Variants in FAM118A observed in about 807,000 individuals in gnomAD.
FAM118A encodes the protein SIR2 antiphage like 2.
Under a neutral mutation model 38.2 loss-of-function variants are expected in FAM118A, and 25 were observed. The observed-to-expected ratio is 0.65, with a 90% CI of 0.48 to 0.91. The LOEUF (loss-of-function observed/expected upper bound fraction) is 0.91. Ranked by LOEUF, FAM118A falls within the 40% of genes least tolerant of loss-of-function variation. FAM118A has a pLI of 0.00. For synonymous variants in FAM118A, 178 were observed against 184.1 expected (o/e 0.97, Z 0.27); for missense variants, 425 against 463.3 (o/e 0.92, Z 0.76).
At chr22:45,316,965 T>G (rs927155915) in intron 1 of FAM118A, among the ~76,000 whole-genome samples, 1 of 152,230 alleles carries the variant, frequency 6.6e-6, no homozygotes, top group African/African-American at 2.4e-5. Flanking sequence ...GGATGTAGTT[T>G]GAGCTTATGT....
chr22:45,335,503 A>G, intron 7 of FAM118A, 121 bp downstream of exon 7: 3 of 1,123,702 alleles, frequency 2.7e-6, no homozygotes, highest in Non-Finnish European at 3.9e-6. Context: ...TTGTATTAAA[A>G]CAGCCCCACT....
At chr22:45,338,123 A>G (rs1272369535) in intron 8 of FAM118A, among the ~76,000 whole-genome samples, 1 of 151,644 alleles carries the variant, frequency 6.6e-6, no homozygotes, top group African/African-American at 2.4e-5. Flanking sequence ...ATGGTCTGTG[A>G]TTCTCTTTAT....
intron 1 of FAM118A, among the ~76,000 whole-genome samples, chr22:45,310,563 T>C (rs960171357): frequency 2.6e-5 from 4 of 151,838 alleles, no homozygotes; most frequent in Non-Finnish European, 5.9e-5. Flanking sequence ...AGACCCCGGG[T>C]CCCCGTGCCG....
At chr22:45,323,154 T>C in intron 2 of FAM118A, 21 bp from the exon 3 acceptor site, 2 of 1,605,312 alleles carry the variant, frequency 1.2e-6, no homozygotes, top group Non-Finnish European at 1.7e-6. Flanking sequence ...TTCATTCTCT[T>C]GCTCCCTTCT....
chr22:45,312,515 A>G (rs2084416462), intron 1 of FAM118A, among the ~76,000 whole-genome samples: 1 of 152,162 alleles, frequency 6.6e-6, no homozygotes, highest in African/African-American at 2.4e-5. Context: ...TCTACTAAAA[A>G]TACAAAAAAT....
At chr22:45,317,862 T>A (rs1322802653) in intron 1 of FAM118A, among the ~76,000 whole-genome samples, 1 of 152,034 alleles carries the variant, frequency 6.6e-6, no homozygotes, top group Admixed American at 6.6e-5. Flanking sequence ...AAAGGGTGTG[T>A]CGGACTTGTA....
At position 45,340,641 on chromosome 22, in the gene FAM118A, G is replaced by T; in HGVS notation, c.*236G>T. ...TCAGGTGGACTTTGCAAGGACTGAT[G>T]GATAGCTACCTCAGGGACCAGAATC... On this transcript the variant is annotated 3_prime_UTR_variant, in exon 9 of 9. Coordinates refer to ENST00000441876, the MANE Select transcript of FAM118A (RefSeq NM_017911.4). 1.8e-6 allele frequency: 1 copy of T among 562,164 alleles called. No individual in the cohort carries two copies. The highest frequency in any genetic ancestry group is 2.8e-5 in the East Asian group (1 of 35,158). The allele number at this position is 562,164 out of a possible 1,614,324, so 34.8% of individuals were successfully genotyped here.
At chr22:45,328,676 G>A (rs1385589331) in intron 4 of FAM118A, 4 of 571,530 alleles carry the variant, frequency 7.0e-6, no homozygotes, top group Non-Finnish European at 1.3e-5. Flanking sequence ...CTGGCAACTT[G>A]GGAGGCTGAG....
chr22:45,324,962 G>A (rs968373179), intron 3 of FAM118A, among the ~76,000 whole-genome samples: 19 of 152,224 alleles, frequency 1.2e-4, no homozygotes, highest in Non-Finnish European at 2.5e-4. Flanking sequence ...CAGGAGAATC[G>A]CTTGAACCTG....
intron 4 of FAM118A, 135 bp from the exon 5 acceptor site, chr22:45,330,463 TATAAG>T (rs2085626610): frequency 1.4e-5 from 13 of 927,430 alleles, no homozygotes; most frequent in Non-Finnish European, 1.6e-5. Flanking sequence ...GTTTTGAAGG[TATAAG>T]TGTAAAGTGA....
chr22:45,324,374 C>T (rs536067251), intron 3 of FAM118A, among the ~76,000 whole-genome samples: 3 of 152,148 alleles, frequency 2.0e-5, no homozygotes, highest in Middle Eastern at 3.4e-3. Flanking sequence ...AAATGATGTG[C>T]GTGCGCGGGG....
intron 6 of FAM118A, 98 bp from the exon 7 acceptor site, chr22:45,335,244 AAGCCTGTT>A: frequency 7.5e-7 from 1 of 1,332,632 alleles, no homozygotes; most frequent in South Asian, 1.2e-5. Context: ...ACCTGCCCAG[AAGCCTGTT>A]CCCAGTCCCT....
chr22:45,329,370 TC>T (rs2085539141), intron 4 of FAM118A: 1 of 152,222 alleles, frequency 6.6e-6, no homozygotes, highest in African/African-American at 2.4e-5. Context: ...ATTTCCTGTA[TC>T]TTGCCAACAC....
intron 4 of FAM118A, chr22:45,328,533 G>A (rs1176411217): frequency 6.0e-5 from 44 of 728,202 alleles, no homozygotes; most frequent in East Asian, 4.9e-4. Context: ...TGGGGAGGCC[G>A]AGGTGGGAGG....
rs2085003098 is a variant in FAM118A at position 45,323,155 on chromosome 22, G to A, written c.48-20G>A. The A allele has an allele frequency of 1.9e-6, 3 of 1,605,892 alleles. No individual in the cohort carries two copies. The highest frequency in any genetic ancestry group is 1.3e-5 in the African/African-American group (1 of 74,548). ...TTTCCGCTTTGACTTTCATTCTCTT[G>A]CTCCCTTCTTTTCAAGTAGAAAGTT... On this transcript the variant is annotated intron_variant, in intron 2 of 8. Transcript: ENST00000441876.
chr22:45,316,920 G>A (rs528935467), intron 1 of FAM118A, among the ~76,000 whole-genome samples: 18 of 152,300 alleles, frequency 1.2e-4, no homozygotes, highest in African/African-American at 3.6e-4. Context: ...AAACTTTGCC[G>A]AGTAAATGTG....
chr22:45,339,952 G>A (rs142586974), intron 8 of FAM118A, among the ~76,000 whole-genome samples: 9 of 152,336 alleles, frequency 5.9e-5, no homozygotes, highest in Admixed American at 2.0e-4. Context: ...TCCTTAGGGC[G>A]AAGCTCCTGG....
At chr22:45,322,512 C>T in intron 2 of FAM118A, 86 bp downstream of exon 2, 1 of 1,173,632 alleles carries the variant, frequency 8.5e-7, no homozygotes, top group Non-Finnish European at 1.2e-6. Flanking sequence ...TCTTTAGTAC[C>T]TGCAAGGGCG....
At chr22:45,309,077 A>G (rs974751480), upstream of FAM118A, 1 of 152,214 alleles carries the variant, frequency 6.6e-6, no homozygotes, top group Non-Finnish European at 1.5e-5. Context: ...CGCAATACCC[A>G]CAAGGTAGGT....
Sources: allele counts gnomAD v4.1 joint callset (sites outside exome capture counted in the v4.1 genomes callset), GRCh38; gene constraint gnomAD v4.1.1; transcripts MANE v1.5; gene names NCBI Gene and HGNC (gene_info 2026-07-23, HGNC 2026-07-21).